The following RYR2 variants were observed in gnomAD, a reference collection of about 807,000 sequenced individuals.
RYR2 encodes the protein ryanodine receptor 2.
A neutral mutation model predicts 601.1 loss-of-function variants in RYR2; 227 were observed. The ratio of observed to expected loss-of-function variants is 0.38; its 90% CI spans 0.34 to 0.42. The LOEUF is 0.42. Ranked by LOEUF, RYR2 falls within the 10% of genes least tolerant of loss-of-function variation. The pLI is 1.00. For missense variants in RYR2, 4,646 were observed against 6,156.5 expected (o/e 0.75, Z 8.21); for synonymous variants, 2,223 against 2,175.1 (o/e 1.02, Z -0.61).
At chr1:237,048,126 T>C (rs1266679730) in intron 1 of RYR2, among the ~76,000 whole-genome samples, 1 of 152,198 alleles carries the variant, frequency 6.6e-6, no homozygotes, top group African/African-American at 2.4e-5. Context: ...TCCTTCCTAG[T>C]GTCTCTGCTG....
chr1:237,240,006 G>A (rs930359110), intron 1 of RYR2, among the ~76,000 whole-genome samples: 1 of 152,164 alleles, frequency 6.6e-6, no homozygotes, highest in Non-Finnish European at 1.5e-5. Flanking sequence ...CATTAGAAAA[G>A]ATCATTTTGC....
intron 1 of RYR2, among the ~76,000 whole-genome samples, chr1:237,219,252 A>C (rs940959540): frequency 1.3e-5 from 2 of 152,064 alleles, no homozygotes; most frequent in African/African-American, 4.8e-5. Flanking sequence ...TCCTGACCTC[A>C]AGTGATCCAC....
intron 54 of RYR2, 75 bp from the exon 55 acceptor site, chr1:237,659,910 C>T (rs901983516): frequency 1.1e-6 from 1 of 932,016 alleles, no homozygotes; most frequent in Non-Finnish European, 1.6e-6. Context: ...CAAACACGCA[C>T]TTAAACACCT....
At chr1:237,184,153 C>G (rs1202985861) in intron 1 of RYR2, among the ~76,000 whole-genome samples, 2 of 146,016 alleles carry the variant, frequency 1.4e-5, no homozygotes, top group African/African-American at 5.6e-5. Flanking sequence ...CTGCAATGAC[C>G]TGGCCTGCCA....
intron 96 of RYR2, among the ~76,000 whole-genome samples, chr1:237,796,958 T>C (rs558861201): frequency 1.3e-5 from 2 of 152,154 alleles, no homozygotes; most frequent in Non-Finnish European, 2.9e-5. Context: ...CTAATTTTTG[T>C]ATATTTAGTA....
intron 2 of RYR2, among the ~76,000 whole-genome samples, chr1:237,330,370 G>A (rs1010093412): frequency 6.6e-6 from 1 of 152,180 alleles, no homozygotes; most frequent in Admixed American, 6.5e-5. Flanking sequence ...AATGGCAGCT[G>A]TTGTTATCTG....
chr1:237,310,617 A>T (rs1694456039), intron 2 of RYR2, among the ~76,000 whole-genome samples: 1 of 152,080 alleles, frequency 6.6e-6, no homozygotes, highest in Non-Finnish European at 1.5e-5. Flanking sequence ...CTTGAATTCA[A>T]CTTTGGAGAA....
At chr1:237,749,832 T>C (rs1692392956) in intron 80 of RYR2, among the ~76,000 whole-genome samples, 1 of 152,140 alleles carries the variant, frequency 6.6e-6, no homozygotes, top group Admixed American at 6.5e-5. Context: ...AACAGGAATG[T>C]GACACAAAAA....
chr1:237,445,286 C>A, intron 13 of RYR2, 115 bp from the exon 14 acceptor site: 2 of 1,317,196 alleles, frequency 1.5e-6, no homozygotes, highest in South Asian at 1.4e-5. Context: ...GTCCCCTGTA[C>A]CTGCCTTTTG....
At chr1:237,789,706 G>T (rs936297212) in intron 92 of RYR2, among the ~76,000 whole-genome samples, 3 of 152,234 alleles carry the variant, frequency 2.0e-5, no homozygotes, top group Admixed American at 6.5e-5. Context: ...CTTTCACTGT[G>T]TCAGGGTTCA....
At chr1:237,058,888 TAAAAA>T (rs549057222) in intron 1 of RYR2, among the ~76,000 whole-genome samples, 1 of 148,200 alleles carries the variant, frequency 6.7e-6, no homozygotes, top group Non-Finnish European at 1.5e-5. Context: ...TGTAGAGTGA[TAAAAA>T]AAAAACCTGC....
At position 237,506,824 on chromosome 1, in the gene RYR2, T is replaced by C; in HGVS notation, c.2718+10T>C. The C allele has an allele frequency of 6.2e-7, 1 of 1,607,332 alleles. No individual in the cohort carries two copies. Among genetic ancestry groups the C allele is most frequent in the Non-Finnish European group, 8.5e-7 (1 of 1,174,186 alleles). ...CTGGCAGTATGGTCCGGTATGTAATTTTGAAATTTATTTTCAGATTCTGTG... is the reference window on the plus strand; with the variant it reads ...CTGGCAGTATGGTCCGGTATGTAATCTTGAAATTTATTTTCAGATTCTGTG... On this transcript the variant is annotated intron_variant, in intron 23 of 104. Transcript: ENST00000366574.
intron 84 of RYR2, among the ~76,000 whole-genome samples, chr1:237,762,525 A>G (rs564487002): frequency 1.1e-4 from 16 of 152,312 alleles, no homozygotes; most frequent in African/African-American, 3.8e-4. Flanking sequence ...CCGCAAATCC[A>G]TAGTCATTCT....
At chr1:237,680,654 A>T in intron 62 of RYR2, 77 bp downstream of exon 62, 1 of 1,133,154 alleles carries the variant, frequency 8.8e-7, no homozygotes, top group Non-Finnish European at 1.3e-6. Context: ...GAGGACCTTG[A>T]AGTGGGGCTG....
chr1:237,064,991 G>A (rs1193472271), intron 1 of RYR2, among the ~76,000 whole-genome samples: 1 of 151,848 alleles, frequency 6.6e-6, no homozygotes, highest in Non-Finnish European at 1.5e-5. Context: ...AACTTTTGGT[G>A]GCACGTAACA....
chr1:237,044,628 C>T (rs1400396576), intron 1 of RYR2, among the ~76,000 whole-genome samples: 2 of 130,614 alleles, frequency 1.5e-5, no homozygotes, highest in African/African-American at 2.9e-5. Context: ...GGAGGTGACA[C>T]AGTGGAGCAG....
intron 100 of RYR2, among the ~76,000 whole-genome samples, chr1:237,816,493 A>T (rs920863934): frequency 6.6e-6 from 1 of 152,126 alleles, no homozygotes; most frequent in Non-Finnish European, 1.5e-5. Context: ...GTTCGAGACC[A>T]GCCTGGCCAA....
At chr1:237,411,747 CATCTT>C (rs1704475705) in intron 10 of RYR2, among the ~76,000 whole-genome samples, 1 of 152,120 alleles carries the variant, frequency 6.6e-6, no homozygotes, top group African/African-American at 2.4e-5. Context: ...AAAGAAGTGA[CATCTT>C]AAGAAAGTTA....
intron 99 of RYR2, among the ~76,000 whole-genome samples, chr1:237,807,165 C>T (rs1002470674): frequency 6.6e-6 from 1 of 152,110 alleles, no homozygotes; most frequent in South Asian, 2.1e-4. Context: ...GTGACGTGCA[C>T]GGCAAGTCAT....
Sources: allele counts gnomAD v4.1 joint callset (sites outside exome capture counted in the v4.1 genomes callset), GRCh38; gene constraint gnomAD v4.1.1; transcripts MANE v1.5; gene names NCBI Gene and HGNC (gene_info 2026-07-23, HGNC 2026-07-21).